The following RAB22A variants were observed in gnomAD, a reference collection of about 807,000 sequenced individuals.
RAB22A encodes ras-related protein Rab-22A.
Under a neutral mutation model 30.2 loss-of-function variants are expected in RAB22A, and 13 were observed. The observed-to-expected ratio is 0.43, with a 90% CI of 0.28 to 0.68. The LOEUF is 0.68. Among genes scored for constraint, RAB22A ranks in the 30% least tolerant of loss-of-function variants. The probability of loss-of-function intolerance (pLI) is 0.18; values close to 1 mark genes in which losing one functional copy is unlikely to be tolerated. For missense variants in RAB22A, 177 were observed against 246.8 expected (o/e 0.72, Z 1.89); for synonymous variants, 89 against 87.2 (o/e 1.02, Z -0.11).
At chr20:58,310,191 G>C (rs1986194848) in intron 1 of RAB22A, among the ~76,000 whole-genome samples, 179 bp downstream of exon 1, 1 of 151,954 alleles carries the variant, frequency 6.6e-6, no homozygotes, top group African/African-American at 2.4e-5. Context: ...TCTCGAAAAG[G>C]TCCTGGAGGC....
intron 3 of RAB22A, among the ~76,000 whole-genome samples, chr20:58,350,035 G>A (rs1056275104): frequency 1.3e-5 from 2 of 152,138 alleles, no homozygotes; most frequent in African/African-American, 4.8e-5. Context: ...GCCGAGACAG[G>A]CATATTGCTT....
intron 2 of RAB22A, among the ~76,000 whole-genome samples, chr20:58,329,580 T>C (rs1292875664): frequency 6.6e-6 from 1 of 152,228 alleles, no homozygotes; most frequent in African/African-American, 2.4e-5. Context: ...ATATGCTAAA[T>C]GTGTAATATA....
chr20:58,358,384 G>C (rs1240764081), intron 6 of RAB22A, among the ~76,000 whole-genome samples: 2 of 152,170 alleles, frequency 1.3e-5, no homozygotes, highest in African/African-American at 4.8e-5. Flanking sequence ...GGAATACAAT[G>C]TATGTGTCAG....
At chr20:58,310,182 C>T (rs1314379725) in intron 1 of RAB22A, among the ~76,000 whole-genome samples, 170 bp downstream of exon 1, 1 of 152,010 alleles carries the variant, frequency 6.6e-6, no homozygotes, top group African/African-American at 2.4e-5. Flanking sequence ...CTCTTGCACT[C>T]TCGAAAAGGT....
Position 58,364,637 on chromosome 20 carries a change from A to G in RAB22A, c.*4934A>G, listed in dbSNP as rs915726572. 2 of 152,230 alleles carry G rather than the reference A, an allele frequency of 1.3e-5. No individual in the cohort carries two copies. The highest frequency in any genetic ancestry group is 4.8e-5 in the African/African-American group (2 of 41,472). 9.4% of individuals were successfully genotyped at this position (152,230 alleles called of 1,614,324 possible). On this transcript the variant is annotated 3_prime_UTR_variant, in exon 7 of 7. Transcript: ENST00000244040. ...TGCCCAGTACTCCACAAAATGCATC[A>G]TAATTGAAACAACAAAATTATTTTC...
At chr20:58,318,828 C>T (rs1986395872) in intron 2 of RAB22A, among the ~76,000 whole-genome samples, 1 of 152,132 alleles carries the variant, frequency 6.6e-6, no homozygotes, top group South Asian at 2.1e-4. Context: ...CTTCACCTCC[C>T]AGCTCTAGCA....
chr20:58,343,835 G>A (rs756945977), intron 3 of RAB22A, 36 bp downstream of exon 3: 57 of 1,514,244 alleles, frequency 3.8e-5, no homozygotes, highest in South Asian at 1.2e-4. Context: ...TTTTTCTGAG[G>A]CCCAAATGAA....
chr20:58,334,322 C>A (rs563089650), intron 2 of RAB22A, among the ~76,000 whole-genome samples: 20 of 147,150 alleles, frequency 1.4e-4, no homozygotes, highest in Non-Finnish European at 2.7e-4. Flanking sequence ...GCGACAAGAG[C>A]GAAAGTCCAT....
rs766615773 is a variant in RAB22A, at chr20:58,366,901, A to G, written c.*7198A>G. Reference sequence around the variant, plus strand: ...GTCTTGAAGAAAAACAGCTATGGCAATGAGCCTAGACATTTTTCAAAAAAA... The same window carrying G: ...GTCTTGAAGAAAAACAGCTATGGCAGTGAGCCTAGACATTTTTCAAAAAAA... On this transcript the variant is annotated 3_prime_UTR_variant, in exon 7 of 7. Transcript: ENST00000244040. The G allele has an allele frequency of 2.1e-4, 32 of 152,744 alleles. No individual in the cohort carries two copies. Among genetic ancestry groups the G allele is most frequent in the Non-Finnish European group, 4.0e-4 (27 of 68,016 alleles). 9.5% of individuals were successfully genotyped at this position (152,744 alleles called of 1,614,324 possible). A position where few individuals can be genotyped will look rare whatever the true frequency, so the allele number is the denominator to read the frequency against.
chr20:58,326,530 C>T (rs1423631460), intron 2 of RAB22A, among the ~76,000 whole-genome samples: 1 of 151,222 alleles, frequency 6.6e-6, no homozygotes, highest in African/African-American at 2.4e-5. Context: ...GAGTGATATT[C>T]TCTTATATGG....
chr20:58,351,699 A>G (rs1309897343), intron 3 of RAB22A, among the ~76,000 whole-genome samples: 3 of 152,062 alleles, frequency 2.0e-5, no homozygotes, highest in Non-Finnish European at 4.4e-5. Flanking sequence ...TGTAATCCCA[A>G]CTGCTAGGGA....
At chr20:58,357,133 T>A (rs1387672109) in intron 6 of RAB22A, among the ~76,000 whole-genome samples, 1 of 152,200 alleles carries the variant, frequency 6.6e-6, no homozygotes, top group African/African-American at 2.4e-5. Context: ...TTGACAACCA[T>A]ACCGGTAGTG....
At chr20:58,340,251 G>A (rs756836644) in intron 2 of RAB22A, among the ~76,000 whole-genome samples, 1 of 152,180 alleles carries the variant, frequency 6.6e-6, no homozygotes, top group Admixed American at 6.5e-5. Context: ...GGGACACAGT[G>A]ACTTTGCTGT....
chr20:58,324,769 A>AG (rs561235776), intron 2 of RAB22A, among the ~76,000 whole-genome samples: 94 of 147,568 alleles, frequency 6.4e-4, no homozygotes, highest in African/African-American at 2.2e-3. Context: ...CAGGAGGCTG[A>AG]GGCAGGAGAA....
intron 2 of RAB22A, among the ~76,000 whole-genome samples, chr20:58,331,313 G>A (rs532383594): frequency 4.6e-5 from 7 of 151,568 alleles, no homozygotes; most frequent in Non-Finnish European, 7.4e-5. Context: ...TTTAATCTTC[G>A]TAGTAAATAT....
Position 58,360,470 on chromosome 20 carries a change from G to A in RAB22A, c.*767G>A, listed in dbSNP as rs1600745630. 1 of 152,594 alleles carries A rather than the reference G, an allele frequency of 6.6e-6. No homozygotes were observed. The highest frequency in any genetic ancestry group is 2.4e-5 in the African/African-American group (1 of 41,418). 9.5% of individuals were successfully genotyped at this position (152,594 alleles called of 1,614,324 possible). On this transcript the variant is annotated 3_prime_UTR_variant, in exon 7 of 7. Transcript: ENST00000244040. The stretch of plus-strand genomic sequence containing the variant: ...ATATGTTCTAAAATGACTAGCAATG[G>A]TTTAAAAAGGAAGAAGAGTGGAAGT...
rs963309640 is a variant in RAB22A, at chr20:58,366,954, C to G, written c.*7251C>G. 1.3e-5 allele frequency: 2 copies of G among 152,600 alleles called. No individual in the cohort carries two copies. The highest frequency in any genetic ancestry group is 4.8e-5 in the African/African-American group (2 of 41,436). The allele number at this position is 152,600 out of a possible 1,614,324, so 9.5% of individuals were successfully genotyped here. A position where few individuals can be genotyped will look rare whatever the true frequency, so the allele number is the denominator to read the frequency against. ...AGCTAAGCCGTCCTACCAGCAATCT[C>G]TCTTTCTCCTAAGAATGTCATGCCT... is the stretch of plus-strand genomic sequence containing the variant. On this transcript the variant is annotated 3_prime_UTR_variant, in exon 7 of 7. Transcript: ENST00000244040.
At chr20:58,333,463 A>G (rs985882307) in intron 2 of RAB22A, among the ~76,000 whole-genome samples, 1 of 152,212 alleles carries the variant, frequency 6.6e-6, no homozygotes, top group African/African-American at 2.4e-5. Context: ...ATCAAGAAAT[A>G]TTAACAGGAG....
rs1987262716 is a variant in RAB22A at position 58,363,406 on chromosome 20, G to C, written c.*3703G>C. Reference sequence around the variant, plus strand: ...CATCCACGTGTCTCTGCAGGAACCTGTGTAAGTATTGTGAAAACCCTTTTC... The same window carrying C: ...CATCCACGTGTCTCTGCAGGAACCTCTGTAAGTATTGTGAAAACCCTTTTC... On this transcript the variant is annotated 3_prime_UTR_variant, in exon 7 of 7. Transcript: ENST00000244040. 6.6e-6 allele frequency: 1 copy of C among 152,210 alleles called. No homozygotes were observed. The highest frequency in any genetic ancestry group is 2.1e-4 in the South Asian group (1 of 4,836). 9.4% of individuals were successfully genotyped at this position (152,210 alleles called of 1,614,324 possible).
Sources: allele counts gnomAD v4.1 joint callset (sites outside exome capture counted in the v4.1 genomes callset), GRCh38; gene constraint gnomAD v4.1.1; transcripts MANE v1.5; gene names NCBI Gene and HGNC (gene_info 2026-07-23, HGNC 2026-07-21).